The following ARHGEF9 variants were observed in gnomAD, a reference collection of about 807,000 sequenced individuals.
The protein encoded by ARHGEF9 is rho guanine nucleotide exchange factor 9.
In ARHGEF9, 2 loss-of-function variants were observed where a neutral mutation model predicts 41.3. The observed-to-expected ratio is 0.05, with a 90% CI of 0.02 to 0.15. ARHGEF9 has a LOEUF of 0.15. ARHGEF9 is among the 10% of genes least tolerant of loss of function. ARHGEF9 has a pLI of 1.00. For synonymous variants in ARHGEF9, 160 were observed against 154.4 expected (o/e 1.04, Z -0.27); for missense variants, 225 against 424.7 (o/e 0.53, Z 4.13).
At chrX:63,780,163 G>A (rs1208115379) in intron 1 of ARHGEF9, among the ~76,000 whole-genome samples, 1 of 112,032 alleles carries the variant, frequency 8.9e-6, no homozygotes, top group South Asian at 3.8e-4. Flanking sequence ...GATGATAGAG[G>A]AGAAAAGTCT....
intron 7 of ARHGEF9, 30 bp downstream of exon 7, chrX:63,665,856 C>CT: frequency 8.3e-7 from 1 of 1,206,397 alleles, no homozygotes; most frequent in Non-Finnish European, 1.1e-6. Context: ...AGGTACCCAT[C>CT]TCCCTCAGGG....
intron 2 of ARHGEF9, among the ~76,000 whole-genome samples, chrX:63,718,300 T>C (rs1159499568): frequency 1.8e-5 from 2 of 111,489 alleles, no homozygotes; most frequent in Admixed American, 1.9e-4. Flanking sequence ...CTCATAATGA[T>C]AAATATACTG....
intron 4 of ARHGEF9, among the ~76,000 whole-genome samples, chrX:63,680,904 C>G (rs781813917): frequency 2.7e-5 from 3 of 111,342 alleles, no homozygotes; most frequent in African/African-American, 9.8e-5. Flanking sequence ...AAAAAACATG[C>G]CTGAGCCATG....
intron 4 of ARHGEF9, among the ~76,000 whole-genome samples, chrX:63,694,614 G>A (rs2051611323): frequency 8.9e-6 from 1 of 112,393 alleles, no homozygotes; most frequent in South Asian, 3.7e-4. Context: ...ATTATATACT[G>A]TATGATTTCA....
At chrX:63,666,806 T>C (rs1228906206) in intron 6 of ARHGEF9, among the ~76,000 whole-genome samples, 2 of 111,994 alleles carry the variant, frequency 1.8e-5, no homozygotes, top group South Asian at 3.7e-4. Context: ...CTTATCCTCC[T>C]TGCTACAAAG....
intron 7 of ARHGEF9, among the ~76,000 whole-genome samples, chrX:63,663,965 A>G (rs2049367833): frequency 8.9e-6 from 1 of 112,165 alleles, no homozygotes; most frequent in African/African-American, 3.2e-5. Context: ...TTTATACTCC[A>G]GACTCTAGGC....
intron 2 of ARHGEF9, chrX:63,709,253 C>T (rs1178611149): frequency 8.9e-6 from 1 of 112,288 alleles, no homozygotes; most frequent in African/African-American, 3.2e-5. Context: ...TCTTAGAGTG[C>T]TTAAAGGCTG....
intron 1 of ARHGEF9, among the ~76,000 whole-genome samples, chrX:63,763,163 C>T (rs2056061587): frequency 9.1e-6 from 1 of 109,771 alleles, no homozygotes; most frequent in African/African-American, 3.3e-5. Context: ...GCCCCTAATC[C>T]CCATGTTGTT....
chrX:63,680,206 C>T (rs1556367459), intron 4 of ARHGEF9, among the ~76,000 whole-genome samples: 1 of 112,235 alleles, frequency 8.9e-6, no homozygotes, highest in Non-Finnish European at 1.9e-5. Context: ...TGGTAGCTAT[C>T]CATGAACAAA....
chrX:63,722,917 G>A (rs1263808023), intron 2 of ARHGEF9: 1 of 111,548 alleles, frequency 9.0e-6, no homozygotes, highest in Non-Finnish European at 1.9e-5. Flanking sequence ...AGAAAAGATT[G>A]GATATTTCAT....
chrX:63,732,770 C>T (rs1475823045), intron 1 of ARHGEF9, among the ~76,000 whole-genome samples: 1 of 111,633 alleles, frequency 9.0e-6, no homozygotes, highest in Non-Finnish European at 1.9e-5. Context: ...TTTCCTACTG[C>T]CTGCTCAACA....
chrX:63,699,616 C>T (rs2052012513), intron 3 of ARHGEF9, among the ~76,000 whole-genome samples: 1 of 111,853 alleles, frequency 8.9e-6, no homozygotes, highest in Non-Finnish European at 1.9e-5. Flanking sequence ...CATTTTCTTT[C>T]TATTATATTA....
In ARHGEF9 at chrX:63,635,473, A is replaced by T; in HGVS notation, c.*2555T>A. The T allele has an allele frequency of 3.9e-6, 2 of 509,351 alleles. No individual in the cohort carries two copies. The highest frequency in any genetic ancestry group is 5.8e-5 in the Admixed American group (2 of 34,559). The allele number at this position is 509,351 out of a possible 1,213,427, so 42.0% of individuals were successfully genotyped here. The stretch of plus-strand genomic sequence containing the variant: ...GGGGTTACCATTGCTGTCAGGACAT[A>T]ACAGGTTAGGATACTGAACCCAGGT... On this transcript the variant is annotated 3_prime_UTR_variant, in exon 10 of 10. Transcript: ENST00000671741.
At chrX:63,715,822 G>A (rs1460586388) in intron 2 of ARHGEF9, among the ~76,000 whole-genome samples, 3 of 112,058 alleles carry the variant, frequency 2.7e-5, no homozygotes, top group Non-Finnish European at 5.6e-5. Flanking sequence ...CAGACTGAGA[G>A]GAGAGAGGAG....
chrX:63,742,424 T>G (rs2055018186), intron 1 of ARHGEF9, among the ~76,000 whole-genome samples: 2 of 110,677 alleles, frequency 1.8e-5, no homozygotes, highest in African/African-American at 6.6e-5. Context: ...TATGTGCACG[T>G]GGATTAGCAC....
chrX:63,643,890 A>C (rs2047817547), intron 9 of ARHGEF9, 90 bp downstream of exon 9: 1 of 998,807 alleles, frequency 1.0e-6, no homozygotes, highest in Non-Finnish European at 1.4e-6. Flanking sequence ...CCCCCAAGTA[A>C]ACCTCAGCAC....
intron 1 of ARHGEF9, among the ~76,000 whole-genome samples, chrX:63,752,192 T>TC (rs1376251987): frequency 8.8e-5 from 8 of 91,086 alleles, no homozygotes; most frequent in East Asian, 4.0e-4. Flanking sequence ...TTCCAGCTCA[T>TC]CCCCCCCACC....
At chrX:63,779,341 G>T (rs1159941164) in intron 1 of ARHGEF9, among the ~76,000 whole-genome samples, 3 of 112,331 alleles carry the variant, frequency 2.7e-5, no homozygotes, top group Non-Finnish European at 5.6e-5. Context: ...GTTCCACATG[G>T]GTGGGGAGGC....
intron 1 of ARHGEF9, among the ~76,000 whole-genome samples, chrX:63,728,742 G>A (rs782017336): frequency 1.3e-4 from 15 of 112,070 alleles, no homozygotes; most frequent in Non-Finnish European, 2.3e-4. Context: ...TGCTGGCCTA[G>A]TACAAGACTT....
Sources: allele counts gnomAD v4.1 joint callset (sites outside exome capture counted in the v4.1 genomes callset), GRCh38; gene constraint gnomAD v4.1.1; transcripts MANE v1.5; gene names NCBI Gene and HGNC (gene_info 2026-07-23, HGNC 2026-07-21).